Variants in AKAP12 observed in about 807,000 individuals in gnomAD.
AKAP12 encodes A-kinase anchoring protein 12, also known as A-kinase anchor protein 12.
In AKAP12, 32 loss-of-function variants were observed where a neutral mutation model predicts 79.9. That is an observed-to-expected ratio of 0.40 (90% CI 0.30 to 0.54). The LOEUF (loss-of-function observed/expected upper bound fraction) is 0.54, where lower values mean the gene tolerates loss of function less well. Ranked by LOEUF, AKAP12 falls within the 20% of genes least tolerant of loss-of-function variation. The probability of loss-of-function intolerance (pLI) is 0.48; values close to 1 mark genes in which losing one functional copy is unlikely to be tolerated. For missense variants in AKAP12, 2,074 were observed against 2,177.0 expected, an observed-to-expected ratio of 0.95 and a Z score of 0.94; for synonymous variants, 808 against 857.0, an observed-to-expected ratio of 0.94 and a Z score of 1.00.
Position 151,274,038 on chromosome 6 carries a change from A to C in AKAP12, c.163-31709A>C, listed in dbSNP as rs573068006. Among the ~76,000 whole-genome samples the C allele has an allele frequency of 8.9e-4, 135 of 151,522 alleles. No individual in the cohort carries two copies. The East Asian group carries it at 1.0e-2, about 11-fold the overall frequency. ...AGCAAGACTCTGTCTCAAAAACAAA[A>C]ACAAAAAAGAATGAGGTCAAAATGG... On this transcript the variant is annotated intron_variant, in intron 2 of 4. Coordinates refer to ENST00000402676, the MANE Select transcript of AKAP12 (RefSeq NM_005100.4).
At chr6:151,286,761 C>T (rs1776512499) in intron 2 of AKAP12, among the ~76,000 whole-genome samples, 1 of 152,152 alleles carries the variant, frequency 6.6e-6, no homozygotes, top group Admixed American at 6.5e-5. Context: ...AGTTGCCCCT[C>T]TTGACTGAGT....
chr6:151,330,179 C>G (rs1010293058), intron 3 of AKAP12, among the ~76,000 whole-genome samples: 1 of 152,170 alleles, frequency 6.6e-6, no homozygotes, highest in African/African-American at 2.4e-5. Flanking sequence ...AAAGATTTAG[C>G]TGTGCATGGT....
intron 3 of AKAP12, among the ~76,000 whole-genome samples, chr6:151,331,863 C>T (rs1416150329): frequency 3.6e-5 from 5 of 138,990 alleles, no homozygotes; most frequent in East Asian, 2.2e-4. Context: ...CCAGCCTGGA[C>T]GACAGAGCGA....
At position 151,291,400 on chromosome 6, in the gene AKAP12, T is replaced by TG. The variant is rs139315108; in HGVS notation, c.163-14346dup. On this transcript the variant is annotated intron_variant, in intron 2 of 4. Coordinates refer to ENST00000402676, the MANE Select transcript of AKAP12 (RefSeq NM_005100.4). Reference sequence around the variant, plus strand: ...TGCAGATTGTGCTCTTTCTGTTGACTGTCCTGGGCTATGCCAGATCCAGAG... The same window carrying TG: ...TGCAGATTGTGCTCTTTCTGTTGACTGGTCCTGGGCTATGCCAGATCCAGAG... Among the ~76,000 whole-genome samples the TG allele has an allele frequency of 3.1e-3, 471 of 152,322 alleles. 4 individuals are homozygous for TG. Among genetic ancestry groups the TG allele is most frequent in the African/African-American group, 8.1e-3 (337 of 41,576 alleles).
intron 3 of AKAP12, among the ~76,000 whole-genome samples, chr6:151,345,764 C>T (rs1377217164): frequency 6.7e-6 from 1 of 148,948 alleles, no homozygotes; most frequent in East Asian, 2.0e-4. Flanking sequence ...ATCACTGCAG[C>T]CTGGGTGACA....
intron 2 of AKAP12, among the ~76,000 whole-genome samples, chr6:151,272,498 G>GATAA (rs1776206152): frequency 7.4e-6 from 1 of 135,778 alleles, no homozygotes; most frequent in African/African-American, 3.1e-5. Context: ...TGAGATGATA[G>GATAA]ATAGATAGAT....
At chr6:151,301,239 A>C (rs889249485) in intron 2 of AKAP12, among the ~76,000 whole-genome samples, 3 of 152,126 alleles carry the variant, frequency 2.0e-5, no homozygotes, top group African/African-American at 4.8e-5. Context: ...TTCTGTGGCC[A>C]TTTGAGTTGC....
intron 2 of AKAP12, among the ~76,000 whole-genome samples, chr6:151,273,598 A>G (rs1776233474): frequency 6.6e-6 from 1 of 152,176 alleles, no homozygotes; most frequent in South Asian, 2.1e-4. Context: ...TTTTCCAACA[A>G]TGAAGTTATT....
chr6:151,286,146 G>A (rs1163559982), intron 2 of AKAP12, among the ~76,000 whole-genome samples: 1 of 152,132 alleles, frequency 6.6e-6, no homozygotes, highest in African/African-American at 2.4e-5. Context: ...CCAAAGTGCT[G>A]GGATTACAGC....
rs1212578152 is a variant in AKAP12 at position 151,354,162 on chromosome 6, A to G, written c.*12+410A>G. 2.0e-5 allele frequency among the ~76,000 whole-genome samples: 3 copies of G among 151,906 alleles called. No homozygotes were observed. In the East Asian group the frequency reaches 5.8e-4, roughly 29 times the overall value. On this transcript the variant is annotated intron_variant, in intron 4 of 4. Transcript: ENST00000402676. ...CACGACTCCGTCTCAAAAAAAAAAA[A>G]CAAACAAAAAAAACTAGTGCCCCCA...
At chr6:151,259,505 T>TACACACACAC (rs1409619287) in intron 2 of AKAP12, among the ~76,000 whole-genome samples, 26 of 59,830 alleles carry the variant, frequency 4.3e-4, no homozygotes, top group African/African-American at 2.6e-3. Context: ...TACATGTATA[T>TACACACACAC]ATATATACAC....
rs1415088169 is a variant in AKAP12, at chr6:151,351,612, C to A, written c.3221C>A (p.Ala1074Glu). The change falls in exon 4 of 5, where the codon GCA becomes GAA. Residue 1074 changes from alanine to glutamate, a missense_variant. By Grantham distance (107) the Ala-to-Glu change is moderately radical. Around this residue, in one of 3 missense-constraint regions of AKAP12, gnomAD observed 1,428 missense variants for 1,451.0 expected, o/e 0.98. Transcript: ENST00000402676. This position sits in a 1 kb window ranked among gnomAD's most constrained non-coding sequence, Gnocchi z 4.4. ...CTTCAGCCTGTGCAGAGAGCAGAGG[C>A]AGAAAGACCAGAAGAGCAGGCTGAA... ...DVLQPVQRAE[A>E]ERPEEQAEAS... The A allele has an allele frequency of 6.2e-7, 1 of 1,613,982 alleles. No individual in the cohort carries two copies. The highest frequency in any genetic ancestry group is 8.5e-7 in the Non-Finnish European group (1 of 1,180,044).
chr6:151,268,674 A>C (rs1350422824), intron 2 of AKAP12, among the ~76,000 whole-genome samples: 1 of 152,036 alleles, frequency 6.6e-6, no homozygotes, highest in Non-Finnish European at 1.5e-5. Context: ...ACAGATTCTC[A>C]CTGTGTCACC....
At chr6:151,341,871 C>A in intron 3 of AKAP12, 1 of 1,114,764 alleles carries the variant, frequency 9.0e-7, no homozygotes, top group Non-Finnish European at 1.2e-6. Context: ...AGGGACAGGT[C>A]GGGAAGGGCC....
Position 151,306,668 on chromosome 6 carries a change from G to A in AKAP12, c.319+765G>A, listed in dbSNP as rs1439224084. Reference sequence around the variant, plus strand: ...GTCCTTTCACAGGAGATTCAACATCGCCTCACTTAGATGAGATTCTTCAAA... The same window carrying A: ...GTCCTTTCACAGGAGATTCAACATCACCTCACTTAGATGAGATTCTTCAAA... On this transcript the variant is annotated intron_variant, in intron 3 of 4. Coordinates refer to ENST00000402676, the MANE Select transcript of AKAP12 (RefSeq NM_005100.4). 4.6e-5 allele frequency among the ~76,000 whole-genome samples: 7 copies of A among 152,258 alleles called. No individual in the cohort carries two copies. In the South Asian group the frequency reaches 8.3e-4, roughly 18 times the overall value.
chr6:151,240,871 G>A, intron 2 of AKAP12, 147 bp downstream of exon 2: 2 of 817,656 alleles, frequency 2.4e-6, no homozygotes, highest in Non-Finnish European at 3.3e-6. Context: ...ACCCCTCTTT[G>A]GAGGCTTTTC....
At chr6:151,310,644 AT>A (rs796142232) in intron 3 of AKAP12, among the ~76,000 whole-genome samples, 58 of 151,766 alleles carry the variant, frequency 3.8e-4, no homozygotes, top group Middle Eastern at 3.4e-3. Flanking sequence ...TAGGCAGATG[AT>A]TTTTTTTTCC....
chr6:151,312,567 G>A lies in AKAP12; in HGVS notation c.319+6664G>A, dbSNP rs552125420. ...CACACTTTGGGAGGCCGAGGTGGGC[G>A]GATCACGAGGTCAGGAGATCCAGAC... On this transcript the variant is annotated intron_variant, in intron 3 of 4. Coordinates refer to ENST00000402676, the MANE Select transcript of AKAP12 (RefSeq NM_005100.4). 2.5e-3 allele frequency among the ~76,000 whole-genome samples: 377 copies of A among 152,162 alleles called. 2 individuals are homozygous for A. Among genetic ancestry groups the A allele is most frequent in the African/African-American group, 8.6e-3 (356 of 41,516 alleles).
At chr6:151,328,327 C>CAA (rs10686442) in intron 3 of AKAP12, among the ~76,000 whole-genome samples, 107 of 105,152 alleles carry the variant, frequency 1.0e-3, no homozygotes, top group African/African-American at 2.5e-3. Context: ...GACTCCATCT[C>CAA]AAAAAAAAAA....
Sources: gnomAD v4.1 joint callset for allele counts (sites outside exome capture counted in the v4.1 genomes callset) on GRCh38, gnomAD v4.1.1 for gene constraint, gnomAD v4.1.1 regional missense constraint, Gnocchi (gnomAD v3.1) non-coding constraint, MANE v1.5 for transcripts, NCBI Gene and HGNC (gene_info 2026-07-23, HGNC 2026-07-21) for gene names.